The following MACROD1 variants were observed in gnomAD, a reference collection of about 807,000 sequenced individuals.
MACROD1 encodes the protein ADP-ribose glycohydrolase MACROD1.
MACROD1 carries 31 observed loss-of-function variants against 41.4 expected under a neutral mutation model. The observed-to-expected ratio is 0.75, with a 90% CI of 0.56 to 1.01. MACROD1 has a LOEUF of 1.01. Among genes scored for constraint, MACROD1 ranks in the 50% least tolerant of loss-of-function variants. The probability of loss-of-function intolerance (pLI) is 0.00; values close to 1 mark genes in which losing one functional copy is unlikely to be tolerated. For missense variants in MACROD1, 473 were observed against 460.0 expected (o/e 1.03, Z -0.26); for synonymous variants, 252 against 203.4 (o/e 1.24, Z -2.03).
Position 64,151,365 on chromosome 11 carries a change from G to A in MACROD1, c.401-10C>T. On this transcript the variant is annotated splice_polypyrimidine_tract_variant and intron_variant, in intron 2 of 10. Transcript: ENST00000255681. Reference sequence around the variant, plus strand: ...ACCTTCACAGCCACCCCTGGAACAAGTAGGGGCCGGGGAGGTCACAGCGAG... The same window carrying A: ...ACCTTCACAGCCACCCCTGGAACAAATAGGGGCCGGGGAGGTCACAGCGAG... The A allele has an allele frequency of 1.9e-6, 3 of 1,603,900 alleles. No homozygotes were observed. The highest frequency in any genetic ancestry group is 1.1e-5 in the South Asian group (1 of 90,930).
At chr11:64,038,393 G>A (rs1943423538) in intron 3 of MACROD1, among the ~76,000 whole-genome samples, 1 of 152,356 alleles carries the variant, frequency 6.6e-6, no homozygotes, top group Non-Finnish European at 1.5e-5. Context: ...GCAGGGAAGG[G>A]CAGTGCACAC....
chr11:64,090,468 T>A lies in MACROD1; in HGVS notation c.517+60771A>T, dbSNP rs1174590574. ...CGATAATAATTTACGAGGCAGCCCC[T>A]GAGGTGGAGGAGGAGGAGGAGGCCA... On this transcript the variant is annotated intron_variant, in intron 3 of 10. Transcript: ENST00000255681. The surrounding 1 kb of genome is among the most constrained non-coding windows in gnomAD (Gnocchi z 4.7). 6.6e-6 allele frequency among the ~76,000 whole-genome samples: 1 copy of A among 152,154 alleles called. No individual in the cohort carries two copies. Among genetic ancestry groups the A allele is most frequent in the Non-Finnish European group, 1.5e-5 (1 of 67,998 alleles).
At chr11:64,061,086 T>A (rs1198524856) in intron 3 of MACROD1, among the ~76,000 whole-genome samples, 1 of 152,158 alleles carries the variant, frequency 6.6e-6, no homozygotes, top group Non-Finnish European at 1.5e-5. Flanking sequence ...CCCAACCACC[T>A]GAGAGCCTCG....
chr11:64,091,511 G>C (rs1944490133), intron 3 of MACROD1, among the ~76,000 whole-genome samples: 1 of 151,616 alleles, frequency 6.6e-6, no homozygotes, highest in Non-Finnish European at 1.5e-5. Context: ...GGTTGGGGTT[G>C]GTGGGTTACA....
Position 64,152,413 on chromosome 11 carries a change from G to A in MACROD1, c.299-20C>T. Reference sequence around the variant, plus strand: ...GAAAGGCTGCAGAGGCAGGAAGGAGGATCAGGGTGGGGGCAGAGGAACGGG... The same window carrying A: ...GAAAGGCTGCAGAGGCAGGAAGGAGAATCAGGGTGGGGGCAGAGGAACGGG... On this transcript the variant is annotated intron_variant, in intron 1 of 10. Transcript: ENST00000255681. The A allele has an allele frequency of 6.3e-7, 1 of 1,597,172 alleles. No individual in the cohort carries two copies. The highest frequency in any genetic ancestry group is 1.1e-5 in the South Asian group (1 of 90,784).
chr11:64,162,936 C>T (rs1408753294), intron 1 of MACROD1, among the ~76,000 whole-genome samples: 3 of 152,098 alleles, frequency 2.0e-5, no homozygotes, highest in Non-Finnish European at 4.4e-5. Context: ...CTGACTAACA[C>T]GATGAAATCC....
intron 3 of MACROD1, among the ~76,000 whole-genome samples, chr11:64,022,855 G>T (rs975591390): frequency 6.7e-6 from 1 of 148,444 alleles, no homozygotes; most frequent in Non-Finnish European, 1.5e-5. Context: ...TCCCCAGCAA[G>T]CTTCCACATG....
intron 3 of MACROD1, among the ~76,000 whole-genome samples, chr11:64,129,430 G>A (rs566229394): frequency 4.6e-5 from 7 of 152,216 alleles, no homozygotes; most frequent in East Asian, 1.9e-4. Flanking sequence ...CCAACCCTAC[G>A]GCTGTGACGG....
chr11:64,016,225 A>G (rs1943079891), intron 3 of MACROD1, among the ~76,000 whole-genome samples: 1 of 152,316 alleles, frequency 6.6e-6, no homozygotes, highest in Non-Finnish European at 1.5e-5. Context: ...CCCTCTCTGT[A>G]GGAATGCCAG....
At chr11:64,085,302 A>G (rs903810819) in intron 3 of MACROD1, among the ~76,000 whole-genome samples, 6 of 152,156 alleles carry the variant, frequency 3.9e-5, no homozygotes, top group African/African-American at 1.4e-4. Flanking sequence ...GTCCTGTTCA[A>G]TTTTGAACTG....
chr11:64,072,702 G>A (rs75705498), intron 3 of MACROD1, among the ~76,000 whole-genome samples: 5,203 of 152,276 alleles, frequency 0.034, 289 homozygotes, highest in African/African-American at 0.12. Context: ...CTGTTCTGGG[G>A]ATTAGAGGAG....
intron 4 of MACROD1, among the ~76,000 whole-genome samples, chr11:64,012,401 T>C (rs1943027834): frequency 8.4e-6 from 1 of 119,706 alleles, no homozygotes; most frequent in African/African-American, 4.5e-5. Flanking sequence ...ATTCATTCAA[T>C]AAACTTTTTT....
At chr11:64,060,006 T>A (rs561140392) in intron 3 of MACROD1, among the ~76,000 whole-genome samples, 2 of 152,186 alleles carry the variant, frequency 1.3e-5, no homozygotes, top group Admixed American at 1.3e-4. Context: ...GTGCGGGACG[T>A]CCAGGGGCCC....
At chr11:64,074,905 A>G (rs540104465) in intron 3 of MACROD1, among the ~76,000 whole-genome samples, 1 of 152,302 alleles carries the variant, frequency 6.6e-6, no homozygotes, top group East Asian at 1.9e-4. Context: ...AGCCTCCTGC[A>G]GGGTCAGGGA....
At chr11:64,083,456 TAAAA>T (rs1262155713) in intron 3 of MACROD1, among the ~76,000 whole-genome samples, 1 of 152,082 alleles carries the variant, frequency 6.6e-6, no homozygotes, top group African/African-American at 2.4e-5. Context: ...CCCCCAAAAA[TAAAA>T]GAAGCAAATG....
intron 3 of MACROD1, among the ~76,000 whole-genome samples, chr11:64,097,115 T>C (rs1028629022): frequency 6.6e-6 from 1 of 152,240 alleles, no homozygotes; most frequent in Non-Finnish European, 1.5e-5. Context: ...TAGGTCCCTG[T>C]TGCTCAGCTG....
At chr11:64,131,719 T>C (rs1945268942) in intron 3 of MACROD1, among the ~76,000 whole-genome samples, 1 of 152,164 alleles carries the variant, frequency 6.6e-6, no homozygotes, top group South Asian at 2.1e-4. Flanking sequence ...AAGCCTTTAT[T>C]GAGCACCTAC....
chr11:64,154,911 G>A (rs1275940500), intron 1 of MACROD1, among the ~76,000 whole-genome samples: 1 of 152,182 alleles, frequency 6.6e-6, no homozygotes, highest in Non-Finnish European at 1.5e-5. Flanking sequence ...TAGAGATGGG[G>A]TTTCACCATG....
intron 3 of MACROD1, among the ~76,000 whole-genome samples, chr11:64,073,119 G>A (rs1189340756): frequency 1.3e-5 from 2 of 152,192 alleles, no homozygotes; most frequent in Non-Finnish European, 2.9e-5. Flanking sequence ...GCTGCGGAGG[G>A]GGCCAGGGAC....
Sources: gnomAD v4.1 joint callset for allele counts (sites outside exome capture counted in the v4.1 genomes callset) on GRCh38, gnomAD v4.1.1 for gene constraint, Gnocchi (gnomAD v3.1) non-coding constraint, MANE v1.5 for transcripts, NCBI Gene and HGNC (gene_info 2026-07-23, HGNC 2026-07-21) for gene names.